Variants in SCG3 observed in about 807,000 individuals in gnomAD.
The protein encoded by SCG3 is secretogranin-3.
In SCG3, 38 loss-of-function variants were observed where a neutral mutation model predicts 56.2. The observed-to-expected ratio is 0.68, with a 90% CI of 0.52 to 0.89. The LOEUF is 0.89. SCG3 is among the 40% of genes least tolerant of loss of function. The pLI, the probability that SCG3 is intolerant of heterozygous loss-of-function variation, is 0.00. For synonymous variants in SCG3, 176 were observed against 184.2 expected, an observed-to-expected ratio of 0.96 and a Z score of 0.36; for missense variants, 524 against 540.7, an observed-to-expected ratio of 0.97 and a Z score of 0.31.
At chr15:51,685,313 A>C (rs964379850) in intron 4 of SCG3, among the ~76,000 whole-genome samples, 1 of 152,256 alleles carries the variant, frequency 6.6e-6, no homozygotes, top group African/African-American at 2.4e-5. Context: ...CATTTGATTT[A>C]ATAAAATAGC....
chr15:51,719,059 C>T (rs1455470045), intron 11 of SCG3, among the ~76,000 whole-genome samples: 2 of 152,114 alleles, frequency 1.3e-5, no homozygotes, highest in African/African-American at 4.8e-5. Context: ...CCCAGACCTA[C>T]TGAATATGAA....
intron 11 of SCG3, 127 bp from the exon 12 acceptor site, chr15:51,719,281 C>T: frequency 1.5e-6 from 1 of 672,790 alleles, no homozygotes; most frequent in Non-Finnish European, 2.6e-6. Context: ...TAAAATGCCT[C>T]CCGATGTGAA....
intron 7 of SCG3, 61 bp downstream of exon 7, chr15:51,692,397 G>C: frequency 6.9e-7 from 1 of 1,440,444 alleles, no homozygotes; most frequent in South Asian, 1.3e-5. Context: ...AAATGTATGG[G>C]TGTGTTCTTT....
intron 10 of SCG3, among the ~76,000 whole-genome samples, chr15:51,711,032 G>GA (rs1057481535): frequency 3.9e-5 from 6 of 152,152 alleles, no homozygotes; most frequent in African/African-American, 9.7e-5. Context: ...AGCAGGAAGA[G>GA]AAAAAAGCCA....
rs528456856 is a variant in SCG3 at position 51,681,688 on chromosome 15, C to G, written c.-68C>G. The stretch of plus-strand genomic sequence containing the variant: ...TCTTCCTGTTTTTACTCCTCCTTTT[C>G]ATTCATAACAAAAGCTACAGCTCCA... On this transcript the variant is annotated 5_prime_UTR_variant, in exon 1 of 12. Transcript: ENST00000220478. 114 of 719,740 alleles carry G rather than the reference C, an allele frequency of 1.6e-4. No individual in the cohort carries two copies. In the African/African-American group the frequency reaches 2.0e-3, roughly 12 times the overall value. 44.6% of individuals were successfully genotyped at this position (719,740 alleles called of 1,614,324 possible).
At chr15:51,693,686 C>T (rs2055283225) in intron 7 of SCG3, 1 of 152,234 alleles carries the variant, frequency 6.6e-6, no homozygotes, top group Admixed American at 6.5e-5. Context: ...TAATCTATTT[C>T]TCCCAAGAAG....
At chr15:51,691,943 T>G (rs753135005) in intron 6 of SCG3, among the ~76,000 whole-genome samples, 1 of 148,708 alleles carries the variant, frequency 6.7e-6, no homozygotes, top group Non-Finnish European at 1.5e-5. Context: ...TTCAGGGGGT[T>G]TTCCCTGAGG....
intron 6 of SCG3, among the ~76,000 whole-genome samples, chr15:51,690,428 C>T (rs1272548833): frequency 6.6e-6 from 1 of 152,124 alleles, no homozygotes; most frequent in Non-Finnish European, 1.5e-5. Context: ...CCCATGGCTC[C>T]TCATCTCCTC....
chr15:51,717,892 G>A (rs1401980374), intron 11 of SCG3, among the ~76,000 whole-genome samples: 1 of 152,190 alleles, frequency 6.6e-6, no homozygotes, highest in African/African-American at 2.4e-5. Flanking sequence ...AACCCAGTAA[G>A]GCCTATCTCT....
chr15:51,708,369 C>T (rs1007412614), intron 10 of SCG3: 2 of 152,186 alleles, frequency 1.3e-5, no homozygotes, highest in African/African-American at 2.4e-5. Flanking sequence ...CTCTTGTAAG[C>T]GTGTGGAGGT....
intron 11 of SCG3, among the ~76,000 whole-genome samples, chr15:51,713,727 G>A (rs1165217026): frequency 2.6e-5 from 4 of 152,180 alleles, no homozygotes; most frequent in Non-Finnish European, 2.9e-5. Flanking sequence ...AATGTTGCCA[G>A]TCTTGTTTTA....
chr15:51,709,661 C>T (rs2055399301), intron 10 of SCG3, among the ~76,000 whole-genome samples: 1 of 47,590 alleles, frequency 2.1e-5, no homozygotes, highest in Non-Finnish European at 3.6e-5. Flanking sequence ...TAAATCTATG[C>T]CATATATATA....
At chr15:51,694,511 A>G (rs1595832189) in intron 7 of SCG3, among the ~76,000 whole-genome samples, 1 of 152,148 alleles carries the variant, frequency 6.6e-6, no homozygotes, top group Non-Finnish European at 1.5e-5. Context: ...GCGGGGGAGG[A>G]TGAAGAGGAA....
At chr15:51,709,691 A>G (rs374428439) in intron 10 of SCG3, among the ~76,000 whole-genome samples, 1 of 15,330 alleles carries the variant, frequency 6.5e-5, no homozygotes, top group African/African-American at 2.3e-4. Context: ...ATATATATAT[A>G]TATATATATA....
At position 51,704,244 on chromosome 15, in the gene SCG3, CATATATAT is replaced by C. The variant is rs750951935; in HGVS notation, c.1207+3028_1207+3035del. Reference sequence around the variant, plus strand: ...ATATGTGTGTATACATACATACATACATATATATATATATATATATATATATATATATA... The same window carrying C: ...ATATGTGTGTATACATACATACATACATATATATATATATATATATATATA... On this transcript the variant is annotated intron_variant, in intron 10 of 11. Transcript: ENST00000220478. 2.5e-3 allele frequency among the ~76,000 whole-genome samples: 181 copies of C among 73,626 alleles called. No individual in the cohort carries two copies. The East Asian group carries it at 0.041, about 16-fold the overall frequency. 48.3% of individuals were successfully genotyped at this position (73,626 alleles called of 152,430 possible).
intron 11 of SCG3, 108 bp downstream of exon 11, chr15:51,713,521 AGCCC>A: frequency 1.6e-6 from 1 of 626,460 alleles, no homozygotes; most frequent in Non-Finnish European, 2.7e-6. Context: ...CTCCCCGCAG[AGCCC>A]AAAAAAGACT....
At chr15:51,685,862 C>T (rs1373269502) in intron 4 of SCG3, among the ~76,000 whole-genome samples, 1 of 152,164 alleles carries the variant, frequency 6.6e-6, no homozygotes, top group Non-Finnish European at 1.5e-5. Flanking sequence ...CTCCTGTATG[C>T]ATTCGAATAT....
chr15:51,688,523 G>A lies in SCG3; in HGVS notation c.540+121G>A, dbSNP rs186939518. On this transcript the variant is annotated intron_variant, in intron 5 of 11. Transcript: ENST00000220478. Reference sequence around the variant, plus strand: ...ATGTGTCTTCCTTCTACTAGGACCCGTAGGTTTTAAGGACAAGCAAAGCAC... The same window carrying A: ...ATGTGTCTTCCTTCTACTAGGACCCATAGGTTTTAAGGACAAGCAAAGCAC... 5.1e-4 allele frequency: 430 copies of A among 838,306 alleles called. 1 individual carries two copies. Among genetic ancestry groups the A allele is most frequent in the Admixed American group, 2.3e-3 (84 of 36,530 alleles). 51.9% of individuals were successfully genotyped at this position (838,306 alleles called of 1,614,324 possible).
intron 9 of SCG3, among the ~76,000 whole-genome samples, chr15:51,700,229 T>A (rs7181921): frequency 2.0e-5 from 3 of 151,926 alleles, no homozygotes; most frequent in African/African-American, 7.3e-5. Flanking sequence ...TGAAAAAAAA[T>A]GCATCTCTCT....
Sources: allele counts gnomAD v4.1 joint callset (sites outside exome capture counted in the v4.1 genomes callset), GRCh38; gene constraint gnomAD v4.1.1; transcripts MANE v1.5; gene names NCBI Gene and HGNC (gene_info 2026-07-23, HGNC 2026-07-21).